The following NDRG3 variants were observed in gnomAD, a reference collection of about 807,000 sequenced individuals.
NDRG3 encodes NDRG family member 3, also known as protein NDRG3.
Under a neutral mutation model 57.2 loss-of-function variants are expected in NDRG3, and 23 were observed. The ratio of observed to expected loss-of-function variants is 0.40; its 90% CI spans 0.29 to 0.57. NDRG3 has a LOEUF of 0.57. Among genes scored for constraint, NDRG3 ranks in the 20% least tolerant of loss-of-function variants. The pLI, the probability that NDRG3 is intolerant of heterozygous loss-of-function variation, is 0.42. For missense variants in NDRG3, 384 were observed against 457.3 expected (o/e 0.84, Z 1.46); for synonymous variants, 132 against 162.6 (o/e 0.81, Z 1.43).
chr20:36,656,894 A>G (rs1448915051), intron 13 of NDRG3, among the ~76,000 whole-genome samples: 1 of 152,160 alleles, frequency 6.6e-6, no homozygotes, highest in Non-Finnish European at 1.5e-5. Flanking sequence ...CAAGCTTTCC[A>G]AGTCCCATTT....
In NDRG3 at chr20:36,660,361, G is replaced by A. The variant is rs529606242; in HGVS notation, c.834C>T (p.Asn278=). ...CCTTTAGCAAAGTTGTATTTATAGG[G>A]TTCAGGCGGGAATTGCATTCGACCT... ...EAVVECNSRL[N]PINTTLLKMA... is the part of the protein sequence containing the mutation. Residue 278 remains asparagine, a synonymous_variant, in exon 13 of 16, where the codon AAC becomes AAT. Coordinates refer to ENST00000349004, the MANE Select transcript of NDRG3 (RefSeq NM_032013.4). The A allele has an allele frequency of 1.9e-6, 3 of 1,608,392 alleles. No homozygotes were observed. Among genetic ancestry groups the A allele is most frequent in the Admixed American group, 3.3e-5 (2 of 59,774 alleles).
intron 12 of NDRG3, among the ~76,000 whole-genome samples, 177 bp from the exon 13 acceptor site, chr20:36,660,561 T>C (rs1366624594): frequency 6.7e-6 from 1 of 149,606 alleles, no homozygotes; most frequent in Non-Finnish European, 1.5e-5. Flanking sequence ...TATTTATTTA[T>C]TTATTTATTT....
At chr20:36,733,146 C>CAAAAAAA (rs141850127) in intron 1 of NDRG3, among the ~76,000 whole-genome samples, 6 of 38,974 alleles carry the variant, frequency 1.5e-4, no homozygotes, top group Non-Finnish European at 1.8e-4. Flanking sequence ...GATCCTGTCT[C>CAAAAAAA]AAAAAAAAAA....
chr20:36,711,759 G>A (rs1242825213), intron 2 of NDRG3, among the ~76,000 whole-genome samples: 2 of 152,148 alleles, frequency 1.3e-5, no homozygotes, highest in Non-Finnish European at 2.9e-5. Flanking sequence ...ATAACTGAGT[G>A]AAGACTATTT....
intron 13 of NDRG3, 147 bp from the exon 14 acceptor site, chr20:36,656,679 AACAT>A (rs1978704162): frequency 1.4e-6 from 1 of 734,204 alleles, no homozygotes; most frequent in African/African-American, 1.8e-5. Context: ...CCTACGTACA[AACAT>A]TTATAACCTT....
At chr20:36,710,983 AAAAT>A (rs1357783330) in intron 2 of NDRG3, among the ~76,000 whole-genome samples, 4 of 151,362 alleles carry the variant, frequency 2.6e-5, no homozygotes, top group Non-Finnish European at 5.9e-5. Context: ...CCATCTCAAA[AAAAT>A]AAATAAATAA....
intron 3 of NDRG3, among the ~76,000 whole-genome samples, chr20:36,699,315 A>C (rs574656318): frequency 6.6e-6 from 1 of 152,232 alleles, no homozygotes; most frequent in Admixed American, 6.6e-5. Flanking sequence ...TCCTTCTGGG[A>C]ATGGATAAAT....
rs1568653145 is a variant in NDRG3, at chr20:36,700,175, T to C, written c.93+6797A>G. 4.6e-5 allele frequency among the ~76,000 whole-genome samples: 7 copies of C among 151,286 alleles called. No homozygotes were observed. In the South Asian group the frequency reaches 1.5e-3, roughly 32 times the overall value. ...GGGCAAAGTTACTACTTTGTTGCCATTTCATAATCTGGATGATATTCAAAA... is the reference window on the plus strand; with the variant it reads ...GGGCAAAGTTACTACTTTGTTGCCACTTCATAATCTGGATGATATTCAAAA... On this transcript the variant is annotated intron_variant, in intron 3 of 15. Coordinates refer to ENST00000349004, the MANE Select transcript of NDRG3 (RefSeq NM_032013.4).
At chr20:36,730,083 C>A (rs954452159) in intron 1 of NDRG3, among the ~76,000 whole-genome samples, 8 of 151,294 alleles carry the variant, frequency 5.3e-5, no homozygotes, top group Non-Finnish European at 1.0e-4. Flanking sequence ...CTAGTGTCTA[C>A]CAAAAATACA....
chr20:36,656,300 G>A, intron 15 of NDRG3, 60 bp downstream of exon 15: 2 of 1,547,968 alleles, frequency 1.3e-6, no homozygotes, highest in Non-Finnish European at 1.8e-6. Flanking sequence ...GCTCCCAGAT[G>A]TGAAACTGGC....
intron 3 of NDRG3, among the ~76,000 whole-genome samples, chr20:36,691,378 A>C (rs1466454770): frequency 6.6e-6 from 1 of 152,230 alleles, no homozygotes; most frequent in Non-Finnish European, 1.5e-5. Context: ...AAATGAACAT[A>C]AGAAATGAAG....
chr20:36,731,679 G>A (rs551114488), intron 1 of NDRG3, among the ~76,000 whole-genome samples: 2 of 151,912 alleles, frequency 1.3e-5, no homozygotes, highest in East Asian at 1.9e-4. Context: ...GCATGGTGGC[G>A]GGCACCTGTA....
At chr20:36,700,113 CAAAAAA>C (rs1294581784) in intron 3 of NDRG3, among the ~76,000 whole-genome samples, 1 of 47,106 alleles carries the variant, frequency 2.1e-5, no homozygotes, top group Non-Finnish European at 4.6e-5. Context: ...CAATCAGTCT[CAAAAAA>C]AAAAAAAAAA....
At chr20:36,705,042 A>T (rs191565642) in intron 3 of NDRG3, among the ~76,000 whole-genome samples, 15 of 152,190 alleles carry the variant, frequency 9.9e-5, no homozygotes, top group Non-Finnish European at 1.9e-4. Context: ...CATCTTGGCC[A>T]GGTGTGGTGG....
chr20:36,668,807 G>T (rs1255960220), intron 9 of NDRG3: 1 of 151,062 alleles, frequency 6.6e-6, no homozygotes, highest in Non-Finnish European at 1.5e-5. Flanking sequence ...TATAGAGAGA[G>T]ATAAATTGTA....
chr20:36,705,606 C>T (rs1983507323), intron 3 of NDRG3, among the ~76,000 whole-genome samples: 1 of 152,150 alleles, frequency 6.6e-6, no homozygotes, highest in South Asian at 2.1e-4. Context: ...TCCTTTACTG[C>T]TAGTACCCTC....
At chr20:36,728,624 T>C (rs923606185) in intron 1 of NDRG3, among the ~76,000 whole-genome samples, 4 of 152,142 alleles carry the variant, frequency 2.6e-5, no homozygotes, top group African/African-American at 9.7e-5. Context: ...ATTTTCAGAT[T>C]TGGGATGCTT....
intron 2 of NDRG3, among the ~76,000 whole-genome samples, chr20:36,718,410 G>A (rs1291739431): frequency 6.6e-6 from 1 of 152,182 alleles, no homozygotes; most frequent in East Asian, 1.9e-4. Flanking sequence ...AACAGCATAG[G>A]CCTATCAAAG....
At chr20:36,711,744 T>C (rs866444134) in intron 2 of NDRG3, among the ~76,000 whole-genome samples, 10 of 152,300 alleles carry the variant, frequency 6.6e-5, no homozygotes, top group Middle Eastern at 3.4e-3. Flanking sequence ...AGATAAAAGG[T>C]ACCAATAACT....
Sources: allele counts gnomAD v4.1 joint callset (sites outside exome capture counted in the v4.1 genomes callset), GRCh38; gene constraint gnomAD v4.1.1; transcripts MANE v1.5; gene names NCBI Gene and HGNC (gene_info 2026-07-23, HGNC 2026-07-21).